Variants in SMG1 observed in about 807,000 individuals in gnomAD.
The protein encoded by SMG1 is serine/threonine-protein kinase SMG1.
In SMG1, 22 loss-of-function variants were observed where a neutral mutation model predicts 419.9. That is an observed-to-expected ratio of 0.05 (90% CI 0.04 to 0.07). The LOEUF is 0.07. SMG1 is among the 10% of genes least tolerant of loss of function. The probability of loss-of-function intolerance (pLI) is 1.00; values close to 1 mark genes in which losing one functional copy is unlikely to be tolerated. For missense variants in SMG1, 3,185 were observed against 4,342.0 expected, an observed-to-expected ratio of 0.73 and a Z score of 7.49; for synonymous variants, 1,538 against 1,553.5, an observed-to-expected ratio of 0.99 and a Z score of 0.23.
chr16:18,834,094 G>T, intron 50 of SMG1, 110 bp downstream of exon 50: 1 of 757,924 alleles, frequency 1.3e-6, no homozygotes. Flanking sequence ...TAAATGACTG[G>T]TTGAGCAACA....
chr16:18,906,968 G>T lies in SMG1; in HGVS notation c.93-10012C>A, dbSNP rs114173296. ...CACAGGTGCCCTGCTGAGGAATGAG[G>T]TCGGCTGAGTGAAACTCCTTTTTTA... On this transcript the variant is annotated intron_variant, in intron 1 of 62. Transcript: ENST00000446231. 2.6e-5 allele frequency among the ~76,000 whole-genome samples: 4 copies of T among 152,266 alleles called. No homozygotes were observed. The South Asian group carries it at 8.3e-4, about 32-fold the overall frequency.
At chr16:18,847,640 A>C (rs776819098) in intron 37 of SMG1, 33 bp from the exon 38 acceptor site, 17 of 1,613,158 alleles carry the variant, frequency 1.1e-5, no homozygotes, top group Non-Finnish European at 1.4e-5. Flanking sequence ...TAGCTCATCT[A>C]CAAGCCTATG....
chr16:18,837,511 G>A (rs1362884188), intron 45 of SMG1, 68 bp from the exon 46 acceptor site: 1 of 1,360,452 alleles, frequency 7.4e-7, no homozygotes, highest in African/African-American at 1.5e-5. Flanking sequence ...AGTGTCAGAA[G>A]AACATTTTGC....
chr16:18,837,311 T>C lies in SMG1; in HGVS notation c.7546A>G (p.Ile2516Val). The C allele has an allele frequency of 5.6e-6, 9 of 1,614,032 alleles. No homozygotes were observed. Among genetic ancestry groups the C allele is most frequent in the Non-Finnish European group, 7.6e-6 (9 of 1,179,890 alleles). Residue 2516 changes from isoleucine (I) to valine (V), a missense_variant, in exon 46 of 63, where the codon ATA (isoleucine) becomes GTA (valine). Physicochemically the swap from Ile to Val is conservative, Grantham distance 29 (BLOSUM62 3). Around this residue, in one of 27 missense-constraint regions of SMG1, gnomAD observed 412 missense variants for 546.6 expected, o/e 0.75. Coordinates refer to ENST00000446231, the MANE Select transcript of SMG1 (RefSeq NM_015092.5). ...EKLQGKLLEE[I>V]EFLEGAEGVD... ...CCTTCAGCTCCTTCTAGAAACTCTA[T>C]TTCCTCCAGTAGTTTGCCCTGCAGT... is the stretch of plus-strand genomic sequence containing the variant.
intron 22 of SMG1, among the ~76,000 whole-genome samples, chr16:18,867,449 G>C (rs1162765490): frequency 6.6e-6 from 1 of 151,612 alleles, no homozygotes; most frequent in Non-Finnish European, 1.5e-5. Context: ...GCTTGAACCT[G>C]AGAGGCAGAG....
chr16:18,916,493 G>T (rs952663350), intron 1 of SMG1, among the ~76,000 whole-genome samples: 1 of 143,458 alleles, frequency 7.0e-6, no homozygotes, highest in African/African-American at 2.6e-5. Context: ...TCCAGCGTGG[G>T]CGACGGTGAG....
rs373331466 is a variant in SMG1 at position 18,816,540 on chromosome 16, C to A, written c.10075-11G>T. ...TTCAAGACCAGTGTCCTAAATAGAA[C>A]AAGCATTTGTTTGACTTCGAGTATC... is the stretch of plus-strand genomic sequence containing the variant. On this transcript the variant is annotated splice_polypyrimidine_tract_variant and intron_variant, in intron 57 of 62. Transcript: ENST00000446231. 2 of 1,608,316 alleles carry A rather than the reference C, an allele frequency of 1.2e-6. No individual in the cohort carries two copies. The highest frequency in any genetic ancestry group is 2.7e-5 in the African/African-American group (2 of 74,758).
chr16:18,821,161 A>G lies in SMG1; in HGVS notation c.9742-1507T>C, dbSNP rs935912974. On this transcript the variant is annotated intron_variant, in intron 55 of 62. Coordinates refer to ENST00000446231, the MANE Select transcript of SMG1 (RefSeq NM_015092.5). ...TTTTTCTAATCATCAAAATTTCCTTAATGTATTAAGGCACAGTAATTATCA... is the reference window on the plus strand; with the variant it reads ...TTTTTCTAATCATCAAAATTTCCTTGATGTATTAAGGCACAGTAATTATCA... Among the ~76,000 whole-genome samples, 6 of 151,502 alleles carry G rather than the reference A, an allele frequency of 4.0e-5. 1 individual carries two copies. In the East Asian group the frequency reaches 1.2e-3, roughly 29 times the overall value.
intron 58 of SMG1, 35 bp from the exon 59 acceptor site, chr16:18,815,686 T>C: frequency 6.4e-7 from 1 of 1,568,130 alleles, no homozygotes; most frequent in Non-Finnish European, 8.7e-7. Flanking sequence ...AGAAAAATAG[T>C]TTTAGTATCA....
intron 29 of SMG1, among the ~76,000 whole-genome samples, chr16:18,855,214 C>T (rs951965972): frequency 5.9e-5 from 9 of 152,254 alleles, no homozygotes; most frequent in African/African-American, 1.9e-4. Context: ...AAGGCTAAAC[C>T]ATCCCCCCGC....
chr16:18,926,211 G>A lies in SMG1; in HGVS notation c.-170C>T. 1 of 601,060 alleles carries A rather than the reference G, an allele frequency of 1.7e-6. No individual in the cohort carries two copies. The highest frequency in any genetic ancestry group is 2.8e-6 in the Non-Finnish European group (1 of 357,982). 37.2% of individuals were successfully genotyped at this position (601,060 alleles called of 1,614,324 possible). ...GAGGAGGCGGCGGAGGGCGGGGGAA[G>A]AGGACGGCCGTTCCGGGTTCCGCCT... is the stretch of plus-strand genomic sequence containing the variant. On this transcript the variant is annotated 5_prime_UTR_variant, in exon 1 of 63. Transcript: ENST00000446231.
At chr16:18,866,476 C>T (rs539693935) in intron 23 of SMG1, 145 bp downstream of exon 23, 366 of 765,706 alleles carry the variant, frequency 4.8e-4, no homozygotes, top group African/African-American at 4.5e-3. Context: ...AAACTGAAGA[C>T]GCCTCCTGGT....
chr16:18,816,829 A>AT (rs368601113), intron 57 of SMG1, among the ~76,000 whole-genome samples: 1 of 152,346 alleles, frequency 6.6e-6, no homozygotes, highest in African/African-American at 2.4e-5. Context: ...TAAATTCTAA[A>AT]TAACTCTTCG....
At position 18,853,576 on chromosome 16, in the gene SMG1, ACT is replaced by A. The variant is rs1567371060; in HGVS notation, c.4768+5_4768+6del. 1 of 1,566,788 alleles carries A rather than the reference ACT, an allele frequency of 6.4e-7. No individual in the cohort carries two copies. Among genetic ancestry groups the A allele is most frequent in the Admixed American group, 1.9e-5 (1 of 52,214 alleles). On this transcript the variant is annotated splice_donor_5th_base_variant and intron_variant, in intron 31 of 62. Coordinates refer to ENST00000446231, the MANE Select transcript of SMG1 (RefSeq NM_015092.5). ...TTAATATTCTAAAGCTAATAAAGCAACTCTACCTGTAGATTCACTCTCGATCC... is the reference window on the plus strand; with the variant it reads ...TTAATATTCTAAAGCTAATAAAGCAACTACCTGTAGATTCACTCTCGATCC...
intron 3 of SMG1, among the ~76,000 whole-genome samples, chr16:18,893,698 G>A (rs188806870): frequency 8.3e-4 from 126 of 152,014 alleles, no homozygotes; most frequent in African/African-American, 3.0e-3. Context: ...CAATACATAC[G>A]TAAACAACAA....
intron 3 of SMG1, 121 bp downstream of exon 3, chr16:18,895,931 C>T (rs951607434): frequency 3.8e-6 from 4 of 1,039,022 alleles, no homozygotes; most frequent in Non-Finnish European, 5.9e-6. Flanking sequence ...ACAATTTTTA[C>T]CTGCACAGTA....
At chr16:18,841,372 T>C (rs984243158) in intron 41 of SMG1, among the ~76,000 whole-genome samples, 193 bp downstream of exon 41, 46 of 129,928 alleles carry the variant, frequency 3.5e-4, no homozygotes, top group Non-Finnish European at 4.8e-4. Flanking sequence ...CACTCCAGCA[T>C]GGGCGACAGA....
rs745920525 is a variant in SMG1, at chr16:18,859,765, GT to G, written c.3806-63del. The G allele has an allele frequency of 1.2e-3, 1,670 of 1,388,876 alleles. 5 individuals carry two copies. Among genetic ancestry groups the G allele is most frequent in the Non-Finnish European group, 1.5e-3 (1,510 of 1,018,996 alleles). 86.0% of individuals were successfully genotyped at this position (1,388,876 alleles called of 1,614,324 possible). The stretch of plus-strand genomic sequence containing the variant: ...GCTTTTATTATAAATTTTGATTTAT[GT>G]TTGGCATTATTAAAAACTAATCACC... On this transcript the variant is annotated intron_variant, in intron 26 of 62. Transcript: ENST00000446231.
Position 18,854,659 on chromosome 16 carries a change from C to T in SMG1, c.4480G>A (p.Ala1494Thr), listed in dbSNP as rs775536495. ...AACCATAATTAATTTTACTAACCTG[C>T]TGTATAAAGCAATTTGGTTTTTTCA... ...DIEKTKLLYTAGQSTHAMEML... is the reference protein window; with the variant it reads ...DIEKTKLLYTTGQSTHAMEML... The change falls in exon 30 of 63, where the codon GCA (alanine) becomes ACA (threonine). Residue 1494 changes from alanine to threonine, a missense_variant. By Grantham distance (58) the Ala-to-Thr change is moderately conservative. Around this residue, in one of 27 missense-constraint regions of SMG1, gnomAD observed 493 missense variants for 552.9 expected, o/e 0.89. Transcript: ENST00000446231. 1.2e-5 allele frequency: 19 copies of T among 1,612,118 alleles called. No homozygotes were observed. In the Admixed American group the frequency reaches 1.3e-4, roughly 11 times the overall value.
Sources: allele counts gnomAD v4.1 joint callset (sites outside exome capture counted in the v4.1 genomes callset), GRCh38; gene constraint gnomAD v4.1.1; regional missense constraint gnomAD v4.1.1; transcripts MANE v1.5; gene names NCBI Gene and HGNC (gene_info 2026-07-23, HGNC 2026-07-21).